Variants in NKAIN2 observed in about 807,000 individuals in gnomAD.
The protein encoded by NKAIN2 is sodium/potassium transporting ATPase interacting 2.
In NKAIN2, 14 loss-of-function variants were observed where a neutral mutation model predicts 32.6. The ratio of observed to expected loss-of-function variants is 0.43; its 90% CI spans 0.28 to 0.67. The LOEUF (loss-of-function observed/expected upper bound fraction) is 0.67, where lower values mean the gene tolerates loss of function less well. Among genes scored for constraint, NKAIN2 ranks in the 30% least tolerant of loss-of-function variants. The probability of loss-of-function intolerance (pLI) is 0.17; values close to 1 mark genes in which losing one functional copy is unlikely to be tolerated. For synonymous variants in NKAIN2, 80 were observed against 87.2 expected (o/e 0.92, Z 0.46); for missense variants, 198 against 258.3 (o/e 0.77, Z 1.60).
intron 2 of NKAIN2, among the ~76,000 whole-genome samples, chr6:124,308,470 A>G (rs1459637696): frequency 6.6e-6 from 1 of 152,216 alleles, no homozygotes; most frequent in African/African-American, 2.4e-5. Flanking sequence ...ATCAAAATTA[A>G]TATTTAGCAA....
intron 1 of NKAIN2, among the ~76,000 whole-genome samples, chr6:123,935,100 C>CAT (rs983206284): frequency 3.5e-5 from 5 of 143,924 alleles, no homozygotes; most frequent in African/African-American, 1.3e-4. Context: ...ATAGATATTT[C>CAT]ATATATATAT....
chr6:124,378,127 C>A (rs1290083578), intron 3 of NKAIN2, among the ~76,000 whole-genome samples: 1 of 152,060 alleles, frequency 6.6e-6, no homozygotes, highest in East Asian at 1.9e-4. Flanking sequence ...TGAAGGGGCC[C>A]CTGTGAAGCA....
At chr6:124,757,554 G>A (rs1243159084) in intron 4 of NKAIN2, among the ~76,000 whole-genome samples, 1 of 152,186 alleles carries the variant, frequency 6.6e-6, no homozygotes, top group African/African-American at 2.4e-5. Context: ...ACATATGACA[G>A]TGAAAAGATG....
At chr6:123,932,201 T>A (rs1776280027) in intron 1 of NKAIN2, among the ~76,000 whole-genome samples, 2 of 152,136 alleles carry the variant, frequency 1.3e-5, no homozygotes, top group Non-Finnish European at 2.9e-5. Flanking sequence ...ACTTAGGCAT[T>A]TGTGACTTGC....
intron 1 of NKAIN2, among the ~76,000 whole-genome samples, chr6:123,805,825 G>A (rs570528502): frequency 6.6e-6 from 1 of 152,230 alleles, no homozygotes; most frequent in African/African-American, 2.4e-5. Context: ...GCATAAAAAT[G>A]TGAGAATGAG....
chr6:124,001,950 T>C (rs549926076), intron 1 of NKAIN2, among the ~76,000 whole-genome samples: 1 of 151,798 alleles, frequency 6.6e-6, no homozygotes, highest in African/African-American at 2.4e-5. Context: ...CATTGTTAAT[T>C]TAAATACAAT....
chr6:124,483,711 C>A (rs1777544880), intron 3 of NKAIN2, among the ~76,000 whole-genome samples: 1 of 151,752 alleles, frequency 6.6e-6, no homozygotes, highest in African/African-American at 2.4e-5. Context: ...AAGGACAGAC[C>A]TAGAAACCAT....
intron 3 of NKAIN2, among the ~76,000 whole-genome samples, chr6:124,500,367 G>A (rs1250796788): frequency 6.6e-6 from 1 of 151,994 alleles, no homozygotes; most frequent in Non-Finnish European, 1.5e-5. Flanking sequence ...GGGAAGATAT[G>A]GCCAGGTGCG....
intron 3 of NKAIN2, among the ~76,000 whole-genome samples, chr6:124,433,039 A>G (rs562446433): frequency 2.0e-5 from 3 of 152,212 alleles, no homozygotes; most frequent in Admixed American, 6.5e-5. Flanking sequence ...CGTGTAAACT[A>G]TGTTTTGAAG....
chr6:124,555,044 C>T (rs1344968748), intron 3 of NKAIN2, among the ~76,000 whole-genome samples: 3 of 152,186 alleles, frequency 2.0e-5, no homozygotes, highest in East Asian at 1.9e-4. Flanking sequence ...CTAGGACCCT[C>T]GGACAACTCC....
chr6:124,757,180 T>C (rs1778005232), intron 4 of NKAIN2, among the ~76,000 whole-genome samples: 1 of 152,170 alleles, frequency 6.6e-6, no homozygotes, highest in African/African-American at 2.4e-5. Flanking sequence ...TTTTATCCCT[T>C]GCCAACTTTA....
chr6:123,894,385 G>A (rs1239677907), intron 1 of NKAIN2, among the ~76,000 whole-genome samples: 3 of 152,146 alleles, frequency 2.0e-5, no homozygotes, highest in South Asian at 2.1e-4. Context: ...ATAACTCAAC[G>A]AAATCTAGAA....
chr6:123,954,248 G>A (rs1464458894), intron 1 of NKAIN2, among the ~76,000 whole-genome samples: 3 of 152,206 alleles, frequency 2.0e-5, no homozygotes, highest in Non-Finnish European at 4.4e-5. Context: ...TTTAGGACTC[G>A]GGGTGTGTGT....
intron 1 of NKAIN2, among the ~76,000 whole-genome samples, chr6:124,263,191 A>G (rs1400260255): frequency 6.6e-6 from 1 of 152,202 alleles, no homozygotes; most frequent in Non-Finnish European, 1.5e-5. Flanking sequence ...ACATTTGCAT[A>G]TGAAGTACAC....
At position 124,229,501 on chromosome 6, in the gene NKAIN2, C is replaced by T. The variant is rs62434673; in HGVS notation, c.55-53504C>T. Among the ~76,000 whole-genome samples the T allele has an allele frequency of 1.6e-3, 235 of 142,974 alleles. 2 individuals carry two copies. Among genetic ancestry groups the T allele is most frequent in the East Asian group, 2.4e-3 (11 of 4,664 alleles). 93.8% of individuals were successfully genotyped at this position (142,974 alleles called of 152,430 possible). A position where few individuals can be genotyped will look rare whatever the true frequency, so the allele number is the denominator to read the frequency against. On this transcript the variant is annotated intron_variant, in intron 1 of 6. Coordinates refer to ENST00000368417, the MANE Select transcript of NKAIN2 (RefSeq NM_001040214.3). ...TTTCAAAGATAGATAGATAGATAGA[C>T]AGATAGATAGATAGATAGATAGATA...
chr6:124,550,473 G>T (rs899211449), intron 3 of NKAIN2, among the ~76,000 whole-genome samples: 2 of 151,964 alleles, frequency 1.3e-5, no homozygotes, highest in African/African-American at 4.8e-5. Flanking sequence ...ACCCAGCCCT[G>T]GGTTCAAACA....
chr6:124,582,906 G>A (rs374174429), intron 3 of NKAIN2, among the ~76,000 whole-genome samples: 1 of 151,984 alleles, frequency 6.6e-6, no homozygotes, highest in South Asian at 2.1e-4. Context: ...AAAAGCACTT[G>A]ATAAAATTCA....
chr6:124,669,022 T>G (rs984278690), intron 4 of NKAIN2, among the ~76,000 whole-genome samples: 4 of 152,092 alleles, frequency 2.6e-5, no homozygotes, highest in Non-Finnish European at 4.4e-5. Flanking sequence ...CTGGGCTGAT[T>G]TGGAAGACCC....
chr6:123,994,874 T>C (rs549178154), intron 1 of NKAIN2, among the ~76,000 whole-genome samples: 1 of 152,190 alleles, frequency 6.6e-6, no homozygotes, highest in Non-Finnish European at 1.5e-5. Context: ...TTTGGCATCA[T>C]AACAACATCC....
Sources: gnomAD v4.1 joint callset for allele counts (sites outside exome capture counted in the v4.1 genomes callset) on GRCh38, gnomAD v4.1.1 for gene constraint, MANE v1.5 for transcripts, NCBI Gene and HGNC (gene_info 2026-07-23, HGNC 2026-07-21) for gene names.